Variants in PHF24 observed in about 807,000 individuals in gnomAD.
PHF24 encodes PHD finger protein 24.
Under a neutral mutation model 42.6 loss-of-function variants are expected in PHF24, and 25 were observed. That is an observed-to-expected ratio of 0.59 (90% CI 0.43 to 0.82). The LOEUF (loss-of-function observed/expected upper bound fraction) is 0.82, where lower values mean the gene tolerates loss of function less well. PHF24 is among the 40% of genes least tolerant of loss of function. The pLI is 0.00. For missense variants in PHF24, 470 were observed against 538.1 expected, an observed-to-expected ratio of 0.87 and a Z score of 1.25; for synonymous variants, 185 against 204.8, an observed-to-expected ratio of 0.90 and a Z score of 0.83.
At chr9:34,726,501 C>T in the PHF24 span, 4 of 1,551,632 alleles carry the variant, frequency 2.6e-6, no homozygotes, top group Non-Finnish European at 3.5e-6. Flanking sequence ...CCTTGGTTTC[C>T]CTGGACAAGG....
At chr9:34,832,915 A>G in the PHF24 span, 10,156 of 1,551,658 alleles carry the variant, frequency 6.5e-3, 144 homozygotes, top group Admixed American at 0.064. Context: ...CTTTCTCCCC[A>G]GGGACTCGTG....
the PHF24 span, among the ~76,000 whole-genome samples, chr9:34,757,657 G>T: frequency 1.3e-5 from 2 of 151,926 alleles, no homozygotes; most frequent in South Asian, 4.2e-4. Flanking sequence ...ATTGGCTTTG[G>T]TTCTAGGTGG....
the PHF24 span, among the ~76,000 whole-genome samples, chr9:34,762,983 G>A: frequency 6.6e-6 from 1 of 152,100 alleles, no homozygotes; most frequent in Non-Finnish European, 1.5e-5. Context: ...GTTTTTCTCA[G>A]GTTTGTCAAA....
the PHF24 span, among the ~76,000 whole-genome samples, chr9:34,902,095 CAG>C: frequency 1.3e-5 from 2 of 152,022 alleles, no homozygotes; most frequent in African/African-American, 4.8e-5. Flanking sequence ...ACTCAGAAGA[CAG>C]AGTCATGCGT....
At chr9:34,919,071 C>A in the PHF24 span, among the ~76,000 whole-genome samples, 7 of 152,032 alleles carry the variant, frequency 4.6e-5, no homozygotes, top group Admixed American at 4.6e-4. Flanking sequence ...AAATTTTATT[C>A]TTTAAAATAG....
At chr9:34,796,687 C>A in the PHF24 span, among the ~76,000 whole-genome samples, 6 of 152,198 alleles carry the variant, frequency 3.9e-5, no homozygotes, top group African/African-American at 1.4e-4. Flanking sequence ...AGCAGCGCAA[C>A]TGGATCTCTC....
the PHF24 span, among the ~76,000 whole-genome samples, chr9:34,700,912 T>C: frequency 1.3e-5 from 2 of 152,184 alleles, no homozygotes; most frequent in African/African-American, 2.4e-5. Flanking sequence ...TTAAGGCACC[T>C]ACCCACAGCT....
chr9:34,781,086 G>A, the PHF24 span, among the ~76,000 whole-genome samples: 8 of 152,296 alleles, frequency 5.3e-5, 1 homozygote, highest in South Asian at 1.5e-3. Flanking sequence ...CAATTTTTCT[G>A]AAAGTTAAAC....
chr9:34,719,198 C>T, the PHF24 span, among the ~76,000 whole-genome samples: 12 of 152,110 alleles, frequency 7.9e-5, no homozygotes, highest in African/African-American at 2.2e-4. Context: ...CTACCATGCC[C>T]GGCTAATTTT....
chr9:34,756,937 T>C, the PHF24 span, among the ~76,000 whole-genome samples: 3 of 152,084 alleles, frequency 2.0e-5, no homozygotes, highest in Non-Finnish European at 2.9e-5. Flanking sequence ...GATGGAGTCT[T>C]GCTCTGTCAC....
chr9:34,770,603 GA>G, the PHF24 span, among the ~76,000 whole-genome samples: 1 of 151,816 alleles, frequency 6.6e-6, no homozygotes, highest in Non-Finnish European at 1.5e-5. Flanking sequence ...TGAAAGGTGG[GA>G]AAAATAAGAA....
At chr9:34,720,906 A>G in the PHF24 span, among the ~76,000 whole-genome samples, 7 of 152,190 alleles carry the variant, frequency 4.6e-5, no homozygotes, top group East Asian at 1.4e-3. Flanking sequence ...GAAACTTTCC[A>G]TGGTAACTTC....
At chr9:34,789,112 G>C in the PHF24 span, among the ~76,000 whole-genome samples, 1 of 152,128 alleles carries the variant, frequency 6.6e-6, no homozygotes, top group South Asian at 2.1e-4. Flanking sequence ...ATGGGAGCTA[G>C]GTGGGGATAA....
the PHF24 span, among the ~76,000 whole-genome samples, chr9:34,739,771 A>G: frequency 6.6e-6 from 1 of 152,040 alleles, no homozygotes; most frequent in Admixed American, 6.6e-5. Context: ...GTGGAAGGAT[A>G]CCCCAGCGTG....
At chr9:34,824,204 C>G in the PHF24 span, among the ~76,000 whole-genome samples, 1 of 152,144 alleles carries the variant, frequency 6.6e-6, no homozygotes, top group Non-Finnish European at 1.5e-5. Flanking sequence ...TGGGCTGGGC[C>G]CTATAGGCCT....
At chr9:34,814,478 G>A in the PHF24 span, among the ~76,000 whole-genome samples, 1 of 152,176 alleles carries the variant, frequency 6.6e-6, no homozygotes, top group African/African-American at 2.4e-5. Flanking sequence ...TAAAAGCAGT[G>A]AGTCCCCAAA....
the PHF24 span, among the ~76,000 whole-genome samples, chr9:34,888,799 T>C: frequency 5.3e-5 from 8 of 152,186 alleles, no homozygotes; most frequent in Admixed American, 5.2e-4. Context: ...TCCACATTCC[T>C]CCTCTGAGCC....
chr9:34,739,728 T>C, the PHF24 span, among the ~76,000 whole-genome samples: 1 of 152,168 alleles, frequency 6.6e-6, no homozygotes, highest in East Asian at 1.9e-4. Context: ...GCAAGAGTTA[T>C]TGCAAAGAGC....
chr9:34,732,820 T>C, the PHF24 span, among the ~76,000 whole-genome samples: 1 of 152,234 alleles, frequency 6.6e-6, no homozygotes, highest in Non-Finnish European at 1.5e-5. Context: ...AGATACTGTT[T>C]TCCCTTTTCT....
Sources: gnomAD v4.1 joint callset for allele counts (sites outside exome capture counted in the v4.1 genomes callset) on GRCh38, gnomAD v4.1.1 for gene constraint, MANE v1.5 for transcripts, NCBI Gene and HGNC (gene_info 2026-07-23, HGNC 2026-07-21) for gene names.